The following TET1 variants were observed in gnomAD, a reference collection of about 807,000 sequenced individuals.
TET1 encodes the protein tet methylcytosine dioxygenase 1.
In TET1, 13 loss-of-function variants were observed where a neutral mutation model predicts 148.7. The ratio of observed to expected loss-of-function variants is 0.09; its 90% CI spans 0.06 to 0.14. The LOEUF (loss-of-function observed/expected upper bound fraction) is 0.14. Ranked by LOEUF, TET1 falls within the 10% of genes least tolerant of loss-of-function variation. The pLI is 1.00. For synonymous variants in TET1, 907 were observed against 937.2 expected (o/e 0.97, Z 0.59); for missense variants, 2,182 against 2,553.8 (o/e 0.85, Z 3.14).
At chr10:68,653,877 T>C (rs1977826) in intron 6 of TET1, among the ~76,000 whole-genome samples, 29,172 of 151,522 alleles carry the variant, frequency 0.19, 3,545 homozygotes, top group African/African-American at 0.34. Flanking sequence ...GAGGCCGAGG[T>C]GGGCAGATCA....
chr10:68,674,808 G>A, intron 8 of TET1: 1 of 477,242 alleles, frequency 2.1e-6, no homozygotes, highest in Non-Finnish European at 4.0e-6. Flanking sequence ...GGCCAAATCT[G>A]GAACAAGTTG....
chr10:68,609,248 A>G (rs980662502), intron 3 of TET1, among the ~76,000 whole-genome samples: 14 of 151,468 alleles, frequency 9.2e-5, no homozygotes, highest in Admixed American at 9.2e-4. Context: ...TGCAACCTCC[A>G]CCTCCCAGGT....
intron 3 of TET1, chr10:68,632,428 G>C: frequency 2.5e-6 from 4 of 1,612,276 alleles, no homozygotes; most frequent in Non-Finnish European, 3.4e-6. Flanking sequence ...TAAGCTCCTA[G>C]GATTTTTAGA....
At chr10:68,664,888 C>A (rs1005584506) in intron 6 of TET1, among the ~76,000 whole-genome samples, 11 of 151,832 alleles carry the variant, frequency 7.2e-5, no homozygotes, top group Non-Finnish European at 1.3e-4. Flanking sequence ...GATCCTCCCC[C>A]CTCAGCCTTC....
Position 68,686,702 on chromosome 10 carries a change from C to A in TET1, c.5399C>A (p.Thr1800Asn), listed in dbSNP as rs2055516418. The change falls in exon 11 of 12, where the codon ACC becomes AAC. Residue 1800 changes from threonine (T) to asparagine (N), a missense_variant. Thr to Asn is a moderately conservative substitution (Grantham distance 65). Transcript: ENST00000373644. ...TNNSKPSSLP[T>N]LGSNTETVQP... ...AACAGTAAGCCTTCGTCACTGCCAA[C>A]CTTAGGTGAGCCCTATGGAACCTGG... 1.2e-6 allele frequency: 2 copies of A among 1,611,360 alleles called. No homozygotes were observed. The highest frequency in any genetic ancestry group is 3.3e-5 in the Admixed American group (2 of 59,736).
chr10:68,673,099 G>A (rs561153821), intron 8 of TET1, 54 bp downstream of exon 8: 1,510 of 1,502,858 alleles, frequency 1.0e-3, no homozygotes, highest in Non-Finnish European at 1.3e-3. Flanking sequence ...CATTGAATAT[G>A]TAAGTGCATT....
intron 6 of TET1, among the ~76,000 whole-genome samples, chr10:68,654,544 G>A (rs572569639): frequency 2.0e-5 from 3 of 152,286 alleles, no homozygotes; most frequent in South Asian, 2.1e-4. Context: ...TTGAACCCCC[G>A]AGGTGGAGGT....
chr10:68,642,433 C>CA (rs540154591), intron 3 of TET1, among the ~76,000 whole-genome samples: 76 of 138,956 alleles, frequency 5.5e-4, no homozygotes, highest in Middle Eastern at 7.1e-3. Flanking sequence ...GACCTTGTCT[C>CA]AAAAAAAAAA....
At chr10:68,609,212 A>C (rs1374676906) in intron 3 of TET1, among the ~76,000 whole-genome samples, 2 of 151,672 alleles carry the variant, frequency 1.3e-5, no homozygotes, top group African/African-American at 4.9e-5. Context: ...CCCAGGCTGG[A>C]GTGCAATGGC....
Position 68,691,649 on chromosome 10 carries a change from G to A in TET1, c.6246G>A (p.Glu2082=). The A allele has an allele frequency of 6.2e-7, 1 of 1,614,152 alleles. No individual in the cohort carries two copies. Among genetic ancestry groups the A allele is most frequent in the Non-Finnish European group, 8.5e-7 (1 of 1,180,040 alleles). ...AGAATAAGAAAATGAAGGCCTCAGA[G>A]CAAAAAGACCAGGCAGCTAATGAAG... The part of the protein sequence containing the change: ...EAKNKKMKAS[E]QKDQAANEGP... Residue 2082 remains glutamate (E), a synonymous_variant, in exon 12 of 12, where the codon GAG becomes GAA. Coordinates refer to ENST00000373644, the MANE Select transcript of TET1 (RefSeq NM_030625.3). The surrounding 1 kb of genome is among the most constrained non-coding windows in gnomAD (Gnocchi z 4.4).
At chr10:68,597,030 A>ATTGTTTTTTTTTTTTTTTTT (rs2053996196) in intron 2 of TET1, among the ~76,000 whole-genome samples, 3 of 98,894 alleles carry the variant, frequency 3.0e-5, no homozygotes, top group African/African-American at 4.4e-5. Flanking sequence ...CAGCTAATGG[A>ATTGTTTTTTTTTTTTTTTTT]TTTTTTTTTT....
intron 6 of TET1, among the ~76,000 whole-genome samples, chr10:68,661,604 C>T (rs1422861500): frequency 6.6e-6 from 1 of 151,916 alleles, no homozygotes; most frequent in Non-Finnish European, 1.5e-5. Flanking sequence ...CTTCCTCAGC[C>T]TCCCAAGGAG....
chr10:68,575,365 C>CA (rs2053716126), intron 2 of TET1, among the ~76,000 whole-genome samples: 3 of 144,386 alleles, frequency 2.1e-5, no homozygotes, highest in African/African-American at 8.2e-5. Flanking sequence ...GCCTAGGCCA[C>CA]AAAAGCGAAA....
chr10:68,657,168 C>CA (rs1320938565), intron 6 of TET1, among the ~76,000 whole-genome samples: 1 of 151,782 alleles, frequency 6.6e-6, no homozygotes, highest in Admixed American at 6.6e-5. Context: ...TGAGACTCTA[C>CA]AAAAAAAATT....
In TET1 at chr10:68,624,681, TC is replaced by T. The variant is rs1564975199; in HGVS notation, c.1969-20016del. ...CTTTCTCTCTCTCTCTCTCTCTCTC[TC>T]TCTCTCTCTCTCTCTTTCTTTCTTT... is the stretch of plus-strand genomic sequence containing the variant. On this transcript the variant is annotated intron_variant, in intron 3 of 11. Coordinates refer to ENST00000373644, the MANE Select transcript of TET1 (RefSeq NM_030625.3). Among the ~76,000 whole-genome samples, 74 of 132,014 alleles carry T rather than the reference TC, an allele frequency of 5.6e-4. 3 individuals carry two copies. The highest frequency in any genetic ancestry group is 1.3e-3 in the African/African-American group (44 of 34,926). The allele number at this position is 132,014 out of a possible 152,430, so 86.6% of individuals were successfully genotyped here. A position where few individuals can be genotyped will look rare whatever the true frequency, so the allele number is the denominator to read the frequency against.
At chr10:68,669,639 C>T (rs2055245805) in intron 7 of TET1, among the ~76,000 whole-genome samples, 2 of 151,590 alleles carry the variant, frequency 1.3e-5, no homozygotes, top group East Asian at 1.9e-4. Context: ...CAGGCGTGAG[C>T]CACCACGTCC....
chr10:68,573,496 T>A lies in TET1; in HGVS notation c.1158T>A (p.Gly386=). 1 of 1,614,178 alleles carries A rather than the reference T, an allele frequency of 6.2e-7. No individual in the cohort carries two copies. Among genetic ancestry groups the A allele is most frequent in the South Asian group, 1.1e-5 (1 of 91,084 alleles). ...WELPGADPVH[G]EALGETPDLP... ...TTCCTGGTGCTGACCCAGTTCATGG[T>A]GAGGCCCTGGGTGAGACCCCAGATC... Residue 386 remains glycine (G), a synonymous_variant, in exon 2 of 12, where the codon GGT becomes GGA. Transcript: ENST00000373644.
At chr10:68,575,051 A>G (rs890813354) in intron 2 of TET1, among the ~76,000 whole-genome samples, 3 of 152,222 alleles carry the variant, frequency 2.0e-5, no homozygotes, top group Non-Finnish European at 4.4e-5. Flanking sequence ...TGTTTATTAC[A>G]TCTACTATGA....
chr10:68,562,786 C>A (rs1278862552), intron 1 of TET1, among the ~76,000 whole-genome samples: 1 of 152,096 alleles, frequency 6.6e-6, no homozygotes, highest in Non-Finnish European at 1.5e-5. Context: ...TTTGTCTCCC[C>A]TCCCCCACCT....
Sources: gnomAD v4.1 joint callset for allele counts (sites outside exome capture counted in the v4.1 genomes callset) on GRCh38, gnomAD v4.1.1 for gene constraint, Gnocchi (gnomAD v3.1) non-coding constraint, MANE v1.5 for transcripts, NCBI Gene and HGNC (gene_info 2026-07-23, HGNC 2026-07-21) for gene names.